TLL1: variants seen among roughly 807,000 people sequenced by gnomAD.
TLL1 encodes tolloid-like protein 1.
Under a neutral mutation model 128.2 loss-of-function variants are expected in TLL1, and 49 were observed. The ratio of observed to expected loss-of-function variants is 0.38; its 90% CI spans 0.30 to 0.48. The LOEUF is 0.48. Ranked by LOEUF, TLL1 falls within the 20% of genes least tolerant of loss-of-function variation. The pLI, the probability that TLL1 is intolerant of heterozygous loss-of-function variation, is 0.96. For missense variants in TLL1, 1,123 were observed against 1,242.0 expected (o/e 0.90, Z 1.44); for synonymous variants, 454 against 418.8 (o/e 1.08, Z -1.03).
intron 1 of TLL1, among the ~76,000 whole-genome samples, chr4:165,931,900 TAGA>T (rs1350758707): frequency 6.6e-6 from 1 of 152,032 alleles, no homozygotes; most frequent in East Asian, 1.9e-4. Flanking sequence ...AGTAGTAAAG[TAGA>T]AGCTATGCTA....
At chr4:166,014,008 C>A (rs1737818095) in intron 7 of TLL1, among the ~76,000 whole-genome samples, 1 of 151,518 alleles carries the variant, frequency 6.6e-6, no homozygotes, top group Admixed American at 6.6e-5. Context: ...TTTTGTTTTA[C>A]TCTTAACAAT....
At chr4:165,885,044 A>G (rs1731109036) in intron 1 of TLL1, among the ~76,000 whole-genome samples, 1 of 152,104 alleles carries the variant, frequency 6.6e-6, no homozygotes, top group Non-Finnish European at 1.5e-5. Context: ...GTGAATCTTT[A>G]TTCTTTTTAC....
chr4:166,082,102 T>C (rs1441769717), intron 18 of TLL1, among the ~76,000 whole-genome samples: 1 of 152,166 alleles, frequency 6.6e-6, no homozygotes, highest in African/African-American at 2.4e-5. Context: ...ATTTTAGGAA[T>C]TGGAGTTTGT....
chr4:165,969,387 T>A (rs1735532801), intron 1 of TLL1, among the ~76,000 whole-genome samples: 1 of 152,098 alleles, frequency 6.6e-6, no homozygotes, highest in South Asian at 2.1e-4. Context: ...TTAGAAAGAG[T>A]TTACAACTCT....
intron 1 of TLL1, among the ~76,000 whole-genome samples, chr4:165,878,084 A>G (rs972116568): frequency 6.6e-6 from 1 of 152,138 alleles, no homozygotes; most frequent in Non-Finnish European, 1.5e-5. Context: ...CCAGTGTCCT[A>G]GTATGCTAGG....
intron 6 of TLL1, among the ~76,000 whole-genome samples, chr4:166,007,236 G>A (rs1737481743): frequency 6.6e-6 from 1 of 151,770 alleles, no homozygotes; most frequent in South Asian, 2.1e-4. Flanking sequence ...CTACAATACA[G>A]ATACAAACAG....
chr4:165,905,486 TATA>T (rs1203579252), intron 1 of TLL1, among the ~76,000 whole-genome samples: 17 of 152,172 alleles, frequency 1.1e-4, no homozygotes, highest in Non-Finnish European at 5.9e-5. Context: ...AGCCCTGTAT[TATA>T]ATGTCTTGAT....
intron 3 of TLL1, 35 bp from the exon 4 acceptor site, chr4:165,994,346 T>C (rs1560797380): frequency 6.2e-7 from 1 of 1,613,666 alleles, no homozygotes; most frequent in African/African-American, 1.3e-5. Context: ...GACCAAGAAC[T>C]TCTGTTTCAC....
At position 166,013,842 on chromosome 4, in the gene TLL1, C is replaced by T. The variant is rs369928895; in HGVS notation, c.918-594C>T. Among the ~76,000 whole-genome samples, 14 of 151,606 alleles carry T rather than the reference C, an allele frequency of 9.2e-5. No individual in the cohort carries two copies. The South Asian group carries it at 2.3e-3, about 25-fold the overall frequency. On this transcript the variant is annotated intron_variant, in intron 7 of 20. Coordinates refer to ENST00000061240, the MANE Select transcript of TLL1 (RefSeq NM_012464.5). Reference sequence around the variant, plus strand: ...TAGGTTTTCTTATTTACTAGTTTTACCATAGAAAAATTGAAAAAATTGCTT... The same window carrying T: ...TAGGTTTTCTTATTTACTAGTTTTATCATAGAAAAATTGAAAAAATTGCTT...
intron 1 of TLL1, among the ~76,000 whole-genome samples, chr4:165,908,583 A>G: frequency 8.4e-6 from 1 of 119,454 alleles, no homozygotes; most frequent in South Asian, 2.5e-4. Flanking sequence ...ACCCTGTCTC[A>G]AAAAAAAAAA....
chr4:165,967,274 C>T (rs564072498), intron 1 of TLL1, among the ~76,000 whole-genome samples: 3 of 152,184 alleles, frequency 2.0e-5, no homozygotes, highest in Non-Finnish European at 4.4e-5. Flanking sequence ...AACACACATG[C>T]TCTACAAACA....
intron 1 of TLL1, among the ~76,000 whole-genome samples, chr4:165,986,248 A>G (rs1476009594): frequency 6.6e-6 from 1 of 152,120 alleles, no homozygotes; most frequent in Non-Finnish European, 1.5e-5. Context: ...ATCCTAATAC[A>G]TATGAGTATA....
intron 1 of TLL1, among the ~76,000 whole-genome samples, chr4:165,915,534 A>G (rs1380750254): frequency 1.3e-5 from 2 of 152,198 alleles, no homozygotes; most frequent in African/African-American, 2.4e-5. Context: ...TGAAGTTATT[A>G]ATGCCAAGGA....
At position 165,996,562 on chromosome 4, in the gene TLL1, G is replaced by A. The variant is rs187112849; in HGVS notation, c.632+1384G>A. 1.8e-3 allele frequency among the ~76,000 whole-genome samples: 274 copies of A among 152,130 alleles called. 1 individual carries two copies. The highest frequency in any genetic ancestry group is 6.2e-3 in the African/African-American group (257 of 41,502). On this transcript the variant is annotated intron_variant, in intron 5 of 20. Coordinates refer to ENST00000061240, the MANE Select transcript of TLL1 (RefSeq NM_012464.5). ...TGCAGTGAGCCGAGATTACGCCACTGCACTCCAGCCTGTGCAACAGAGGAA... is the reference window on the plus strand; with the variant it reads ...TGCAGTGAGCCGAGATTACGCCACTACACTCCAGCCTGTGCAACAGAGGAA...
chr4:166,060,269 G>T (rs1311037064), intron 15 of TLL1, 81 bp downstream of exon 15: 4 of 1,192,772 alleles, frequency 3.4e-6, no homozygotes, highest in African/African-American at 1.6e-5. Context: ...AAAAAAAAAA[G>T]ATGTAGTAAA....
intron 9 of TLL1, among the ~76,000 whole-genome samples, chr4:166,038,312 G>A (rs149343902): frequency 8.9e-4 from 135 of 151,494 alleles, no homozygotes; most frequent in African/African-American, 3.2e-3. Flanking sequence ...TTCACAAAAG[G>A]GATTTTTGAA....
At chr4:166,022,790 A>G (rs1394170078) in intron 8 of TLL1, among the ~76,000 whole-genome samples, 1 of 152,258 alleles carries the variant, frequency 6.6e-6, no homozygotes, top group Non-Finnish European at 1.5e-5. Context: ...AGGAACATAC[A>G]TATGGATTAT....
intron 18 of TLL1, among the ~76,000 whole-genome samples, chr4:166,078,350 C>A (rs1741133340): frequency 6.6e-6 from 1 of 152,010 alleles, no homozygotes; most frequent in African/African-American, 2.4e-5. Context: ...AACGATGGAA[C>A]AAAAAAATCG....
At chr4:166,065,934 T>A in intron 16 of TLL1, 71 bp downstream of exon 16, 1 of 1,081,658 alleles carries the variant, frequency 9.2e-7, no homozygotes, top group East Asian at 4.0e-5. Context: ...TTGTATGTGA[T>A]CTATTTTTCA....
Sources: gnomAD v4.1 joint callset for allele counts (sites outside exome capture counted in the v4.1 genomes callset) on GRCh38, gnomAD v4.1.1 for gene constraint, MANE v1.5 for transcripts, NCBI Gene and HGNC (gene_info 2026-07-23, HGNC 2026-07-21) for gene names.